The following KLRG2 variants were observed in gnomAD, a reference collection of about 807,000 sequenced individuals.
KLRG2 encodes killer cell lectin like receptor G2.
A neutral mutation model predicts 35.4 loss-of-function variants in KLRG2; 39 were observed. The ratio of observed to expected loss-of-function variants is 1.10; its 90% CI spans 0.85 to 1.44. KLRG2 has a LOEUF of 1.44. KLRG2 is among the 40% of genes most tolerant of loss of function. The pLI, the probability that KLRG2 is intolerant of heterozygous loss-of-function variation, is 0.00. For synonymous variants in KLRG2, 283 were observed against 265.8 expected, an observed-to-expected ratio of 1.06 and a Z score of -0.63; for missense variants, 632 against 570.9, an observed-to-expected ratio of 1.11 and a Z score of -1.09.
chr7:139,480,246 C>T lies in KLRG2; in HGVS notation c.759G>A (p.Gly253=). Reference sequence around the variant, plus strand: ...ACAGGGACTTCACGTACATGGGTAGCCCTGGGACGGGGGCAAACAGGATAA... The same window carrying T: ...ACAGGGACTTCACGTACATGGGTAGTCCTGGGACGGGGGCAAACAGGATAA... ...EKLPRAVTLT[G]LPMYVKSLYW... Residue 253 remains glycine (G), a splice_region_variant and synonymous_variant, in exon 2 of 5, where the codon GGG becomes GGA. Coordinates refer to ENST00000340940, the MANE Select transcript of KLRG2 (RefSeq NM_198508.4). 1 of 1,583,528 alleles carries T rather than the reference C, an allele frequency of 6.3e-7. No homozygotes were observed. Among genetic ancestry groups the T allele is most frequent in the Non-Finnish European group, 8.7e-7 (1 of 1,152,530 alleles).
At chr7:139,438,308 T>C in the KLRG2 span, among the ~76,000 whole-genome samples, 2 of 152,212 alleles carry the variant, frequency 1.3e-5, no homozygotes, top group Non-Finnish European at 2.9e-5. Context: ...TGTAGCTCAC[T>C]ACAGCCTTGA....
intron 3 of KLRG2, among the ~76,000 whole-genome samples, chr7:139,463,808 A>G (rs1585167719): frequency 6.6e-6 from 1 of 152,174 alleles, no homozygotes; most frequent in African/African-American, 2.4e-5. Context: ...ACCATCACAG[A>G]TGCTTTGGGT....
chr7:139,480,880 A>G (rs868095800), intron 1 of KLRG2, among the ~76,000 whole-genome samples: 2 of 149,758 alleles, frequency 1.3e-5, no homozygotes, highest in Middle Eastern at 6.9e-3. Flanking sequence ...AGTAGCTGGG[A>G]TTACAGGTGA....
Position 139,483,634 on chromosome 7 carries a change from C to A in KLRG2, c.9G>T (p.Glu3Asp). The A allele has an allele frequency of 6.5e-7, 1 of 1,532,376 alleles. No homozygotes were observed. 94.9% of individuals were successfully genotyped at this position (1,532,376 alleles called of 1,614,324 possible). A position where few individuals can be genotyped will look rare whatever the true frequency, so the allele number is the denominator to read the frequency against. The change falls in exon 1 of 5, where the codon GAG (glutamate) becomes GAT (aspartate). Residue 3 changes from glutamate (E) to aspartate (D), a missense_variant. Transcript: ENST00000340940. ME[E>D]SWEAAPGGQA... ...GGCCTCCGGGCGCAGCCTCCCAAGA[C>A]TCCTCCATCCCGCGCGCCCCGCCAC...
At chr7:139,446,425 C>G in the KLRG2 span, among the ~76,000 whole-genome samples, 4 of 141,434 alleles carry the variant, frequency 2.8e-5, no homozygotes, top group Non-Finnish European at 4.6e-5. Context: ...CTCACTCCAA[C>G]TTCTACCTCC....
In KLRG2 at chr7:139,462,424, C is replaced by T. The variant is rs184464577; in HGVS notation, c.1006-8210G>A. On this transcript the variant is annotated intron_variant, in intron 3 of 4. Coordinates refer to ENST00000340940, the MANE Select transcript of KLRG2 (RefSeq NM_198508.4). ...TGTGTGTCTACCCCTTTTCCACTGT[C>T]CTGGGGGGCAAGCATCCCCCCACCT... Among the ~76,000 whole-genome samples, 384 of 151,466 alleles carry T rather than the reference C, an allele frequency of 2.5e-3. 3 individuals are homozygous for T. The highest frequency in any genetic ancestry group is 9.2e-3 in the African/African-American group (376 of 40,932).
the KLRG2 span, among the ~76,000 whole-genome samples, chr7:139,430,049 A>G: frequency 3.9e-5 from 6 of 152,182 alleles, no homozygotes; most frequent in Admixed American, 3.9e-4. Flanking sequence ...ACAAAATAAA[A>G]TATTCAGATG....
chr7:139,448,353 T>C (rs1381156431), downstream of KLRG2, among the ~76,000 whole-genome samples: 1 of 152,162 alleles, frequency 6.6e-6, no homozygotes. Context: ...TGAAGACCAG[T>C]CAGTCTGTTT....
intron 3 of KLRG2, among the ~76,000 whole-genome samples, chr7:139,469,068 C>G (rs114550086): frequency 6.6e-6 from 1 of 152,202 alleles, no homozygotes. Context: ...AGACTTCCAG[C>G]CTTCAGGACT....
intron 3 of KLRG2, among the ~76,000 whole-genome samples, chr7:139,458,134 G>A (rs67068247): frequency 0.15 from 23,077 of 152,134 alleles, 1,928 homozygotes; most frequent in Middle Eastern, 0.2. Context: ...TCTTAGAACT[G>A]TGGGAGGCTG....
At position 139,479,682 on chromosome 7, in the gene KLRG2, C is replaced by G; in HGVS notation, c.950G>C (p.Ser317Thr). Residue 317 changes from serine (S) to threonine (T), a missense_variant, in exon 3 of 5, where the codon AGC (serine) becomes ACC (threonine). Coordinates refer to ENST00000340940, the MANE Select transcript of KLRG2 (RefSeq NM_198508.4). Reference protein sequence around the residue: ...FSAEAQAWEASQAFCSAYHAT... With the variant: ...FSAEAQAWEATQAFCSAYHAT... Reference sequence around the variant, plus strand: ...GTGGTAGGCTGAGCAGAAAGCCTGGCTGGCTTCCCAGGCCTGCGCTTCTGC... The same window carrying G: ...GTGGTAGGCTGAGCAGAAAGCCTGGGTGGCTTCCCAGGCCTGCGCTTCTGC... 2.5e-6 allele frequency: 4 copies of G among 1,613,972 alleles called. No homozygotes were observed. Among genetic ancestry groups the G allele is most frequent in the Non-Finnish European group, 3.4e-6 (4 of 1,180,014 alleles).
downstream of KLRG2, among the ~76,000 whole-genome samples, chr7:139,447,989 A>G (rs1796329130): frequency 6.6e-6 from 1 of 151,708 alleles, no homozygotes; most frequent in African/African-American, 2.4e-5. Flanking sequence ...AATGCATAAC[A>G]TTTCTCCTTT....
At chr7:139,466,068 G>A (rs762354255) in intron 3 of KLRG2, among the ~76,000 whole-genome samples, 10 of 152,076 alleles carry the variant, frequency 6.6e-5, no homozygotes, top group African/African-American at 1.4e-4. Context: ...CCTTTCCATC[G>A]TAAAAATCTA....
intron 3 of KLRG2, 111 bp downstream of exon 3, chr7:139,479,516 G>T: frequency 9.0e-7 from 1 of 1,105,368 alleles, no homozygotes; most frequent in Non-Finnish European, 1.3e-6. Context: ...TCTACACCTT[G>T]GTGATTTCTA....
At chr7:139,440,098 G>C in the KLRG2 span, among the ~76,000 whole-genome samples, 26 of 152,066 alleles carry the variant, frequency 1.7e-4, no homozygotes, top group East Asian at 5.0e-3. Context: ...GGGCATGTCT[G>C]CCTCTGTGTC....
At chr7:139,462,195 G>A (rs1399179122) in intron 3 of KLRG2, among the ~76,000 whole-genome samples, 1 of 152,088 alleles carries the variant, frequency 6.6e-6, no homozygotes, top group Admixed American at 6.6e-5. Context: ...GTCTTCCCTT[G>A]GTGTTTAATC....
intron 3 of KLRG2, among the ~76,000 whole-genome samples, chr7:139,466,029 G>A (rs1004668229): frequency 5.9e-5 from 9 of 152,110 alleles, no homozygotes; most frequent in Admixed American, 1.3e-4. Context: ...GTTACAAGCC[G>A]CTGGTCTGCC....
the KLRG2 span, among the ~76,000 whole-genome samples, chr7:139,436,774 G>A: frequency 1.3e-5 from 2 of 152,216 alleles, no homozygotes; most frequent in South Asian, 2.1e-4. Flanking sequence ...ACCCACTAAT[G>A]TACTGGGTCA....
the KLRG2 span, among the ~76,000 whole-genome samples, chr7:139,434,686 T>C: frequency 6.6e-6 from 1 of 152,228 alleles, no homozygotes; most frequent in South Asian, 2.1e-4. Flanking sequence ...ATCAGCACGC[T>C]GTGTTCTTAC....
Sources: allele counts gnomAD v4.1 joint callset (sites outside exome capture counted in the v4.1 genomes callset), GRCh38; gene constraint gnomAD v4.1.1; transcripts MANE v1.5; gene names NCBI Gene and HGNC (gene_info 2026-07-23, HGNC 2026-07-21).